The following CHRNA1 variants were observed in gnomAD, a reference collection of about 807,000 sequenced individuals.
CHRNA1 encodes cholinergic receptor nicotinic alpha 1 subunit.
Under a neutral mutation model 47.1 loss-of-function variants are expected in CHRNA1, and 35 were observed. That is an observed-to-expected ratio of 0.74 (90% CI 0.57 to 0.99). The LOEUF (loss-of-function observed/expected upper bound fraction) is 0.99. CHRNA1 is among the 50% of genes least tolerant of loss of function. The pLI is 0.00. For missense variants in CHRNA1, 506 were observed against 591.1 expected (o/e 0.86, Z 1.49); for synonymous variants, 229 against 223.6 (o/e 1.02, Z -0.22).
rs547163522 is a variant in CHRNA1 at position 174,748,494 on chromosome 2, C to T, written c.1242+86G>A. On this transcript the variant is annotated intron_variant, in intron 8 of 8. Transcript: ENST00000348749. ...TCAGTAGCTGCCTGTTGTATGCCACCTACTTGTTAAGTCAGACTCACCACC... is the reference window on the plus strand; with the variant it reads ...TCAGTAGCTGCCTGTTGTATGCCACTTACTTGTTAAGTCAGACTCACCACC... 63 of 1,536,868 alleles carry T rather than the reference C, an allele frequency of 4.1e-5. No individual in the cohort carries two copies. The African/African-American group carries it at 7.7e-4, about 19-fold the overall frequency.
At chr2:174,759,280 A>C in intron 3 of CHRNA1, 51 bp downstream of exon 3, 1 of 1,584,710 alleles carries the variant, frequency 6.3e-7, no homozygotes, top group South Asian at 1.1e-5. Context: ...GCCCAGGTTT[A>C]ATTTCAGTGT....
chr2:174,758,326 T>C (rs1012523215), intron 3 of CHRNA1, among the ~76,000 whole-genome samples: 1 of 152,056 alleles, frequency 6.6e-6, no homozygotes, highest in African/African-American at 2.4e-5. Flanking sequence ...GGAGAATCGC[T>C]TGAACCTGGG....
Position 174,753,698 on chromosome 2 carries a change from C to G in CHRNA1, c.583G>C (p.Glu195Gln). 1 of 1,614,058 alleles carries G rather than the reference C, an allele frequency of 6.2e-7. No homozygotes were observed. Among genetic ancestry groups the G allele is most frequent in the Non-Finnish European group, 8.5e-7 (1 of 1,179,994 alleles). ...CCCCGGGACTCCTTGATCACCCACTCCCCGCTCTCCATGAAGTTGCTCAGG... is the reference window on the plus strand; with the variant it reads ...CCCCGGGACTCCTTGATCACCCACTGCCCGCTCTCCATGAAGTTGCTCAGG... ...PDLSNFMESG[E>Q]WVIKESRGWK... Residue 195 changes from glutamate (E) to glutamine (Q), a missense_variant, in exon 6 of 9, where the codon GAG (glutamate) becomes CAG (glutamine). By Grantham distance (29) the Glu-to-Gln change is conservative. Coordinates refer to ENST00000348749, the MANE Select transcript of CHRNA1 (RefSeq NM_000079.4).
intron 6 of CHRNA1, among the ~76,000 whole-genome samples, chr2:174,752,147 T>C (rs906720564): frequency 6.6e-6 from 1 of 152,084 alleles, no homozygotes; most frequent in African/African-American, 2.4e-5. Flanking sequence ...GGGGATCACT[T>C]GAGGCCAGGA....
At chr2:174,752,841 C>T (rs1220383023) in intron 6 of CHRNA1, 4 of 151,634 alleles carry the variant, frequency 2.6e-5, no homozygotes, top group Non-Finnish European at 5.8e-5. Flanking sequence ...TTTTTTCAAA[C>T]TTGTCTGCCA....
intron 1 of CHRNA1, among the ~76,000 whole-genome samples, 155 bp from the exon 2 acceptor site, chr2:174,759,788 T>C (rs1370284701): frequency 6.6e-6 from 1 of 152,062 alleles, no homozygotes; most frequent in East Asian, 1.9e-4. Flanking sequence ...ATGCAGCAGT[T>C]ATTGCCTTGT....
intron 4 of CHRNA1, among the ~76,000 whole-genome samples, chr2:174,756,530 C>T (rs921441413): frequency 6.6e-5 from 10 of 152,182 alleles, no homozygotes; most frequent in African/African-American, 2.4e-4. Flanking sequence ...GTGTTCTCTC[C>T]TCACCAGGGT....
intron 4 of CHRNA1, among the ~76,000 whole-genome samples, chr2:174,756,180 TAA>T (rs1483340169): frequency 1.3e-5 from 2 of 152,174 alleles, no homozygotes; most frequent in Non-Finnish European, 2.9e-5. Context: ...TGGGAGGTTC[TAA>T]AAAAACAAAA....
chr2:174,759,610 G>T lies in CHRNA1; in HGVS notation c.67C>A (p.His23Asn). ...AGCTTTGCCACCAGACGGGTCTCAT[G>T]TTCGGAGCCCAGGACGAGGCCAGCT... Reference protein sequence around the residue: ...CSAGLVLGSEHETRLVAKLFK... With the variant: ...CSAGLVLGSENETRLVAKLFK... Residue 23 changes from histidine (H) to asparagine (N), a missense_variant, in exon 2 of 9, where the codon CAT becomes AAT. Transcript: ENST00000348749. The T allele has an allele frequency of 6.2e-7, 1 of 1,613,828 alleles. No individual in the cohort carries two copies. The highest frequency in any genetic ancestry group is 8.5e-7 in the Non-Finnish European group (1 of 1,179,978).
In CHRNA1 at chr2:174,748,577, T is replaced by C; in HGVS notation, c.1242+3A>G. The C allele has an allele frequency of 6.2e-7, 1 of 1,610,186 alleles. No individual in the cohort carries two copies. Among genetic ancestry groups the C allele is most frequent in the Non-Finnish European group, 8.5e-7 (1 of 1,176,870 alleles). ...GGCATGAATTTCAAGCCACGAAGCT[T>C]ACATTGTTAGACTCCTGGTCTGACT... On this transcript the variant is annotated splice_donor_region_variant and intron_variant, in intron 8 of 8. Coordinates refer to ENST00000348749, the MANE Select transcript of CHRNA1 (RefSeq NM_000079.4).
chr2:174,757,713 A>AG (rs1258491942), intron 3 of CHRNA1, 38 bp from the exon 4 acceptor site: 1 of 1,549,990 alleles, frequency 6.5e-7, no homozygotes, highest in Non-Finnish European at 8.9e-7. Context: ...AAAAGCCAAA[A>AG]ACACTTTCTA....
chr2:174,756,246 G>A (rs1051243023), intron 4 of CHRNA1, among the ~76,000 whole-genome samples: 3 of 152,146 alleles, frequency 2.0e-5, no homozygotes, highest in African/African-American at 7.2e-5. Context: ...CCCGTAAACA[G>A]CAGTCTGTTC....
chr2:174,751,429 T>C (rs748821132), intron 6 of CHRNA1, among the ~76,000 whole-genome samples: 41 of 152,154 alleles, frequency 2.7e-4, no homozygotes, highest in Non-Finnish European at 5.4e-4. Context: ...TTCCGGATGC[T>C]AGAATATATA....
intron 6 of CHRNA1, among the ~76,000 whole-genome samples, chr2:174,751,653 T>TTTTC (rs1431393708): frequency 9.2e-5 from 14 of 152,054 alleles, no homozygotes; most frequent in Admixed American, 5.2e-4. Flanking sequence ...TGCTTTTCTT[T>TTTTC]TTTCTTTCTT....
At chr2:174,760,914 A>G (rs6433502) in intron 1 of CHRNA1, among the ~76,000 whole-genome samples, 73,887 of 151,416 alleles carry the variant, frequency 0.49, 18,332 homozygotes, top group Non-Finnish European at 0.54. Context: ...CTCAGAACCC[A>G]CGGCCCCCTT....
chr2:174,748,825 A>G lies in CHRNA1; in HGVS notation c.1003-6T>C, dbSNP rs769975716. ...GGGATAGTGTCGATAAAAACCTAAC[A>G]TAAAAAAGAAATCCATGCATGAGAA... is the stretch of plus-strand genomic sequence containing the variant. On this transcript the variant is annotated splice_polypyrimidine_tract_variant and splice_region_variant and intron_variant, in intron 7 of 8. Coordinates refer to ENST00000348749, the MANE Select transcript of CHRNA1 (RefSeq NM_000079.4). 19 of 1,613,728 alleles carry G rather than the reference A, an allele frequency of 1.2e-5. No individual in the cohort carries two copies. Among genetic ancestry groups the G allele is most frequent in the African/African-American group, 5.3e-5 (4 of 74,814 alleles).
At chr2:174,753,359 C>A (rs554506973) in intron 6 of CHRNA1, 144 bp downstream of exon 6, 9 of 868,382 alleles carry the variant, frequency 1.0e-5, no homozygotes, top group South Asian at 6.6e-5. Context: ...ACTGCGCACG[C>A]CCACTCAGCA....
chr2:174,754,503 A>G, intron 4 of CHRNA1, 89 bp from the exon 5 acceptor site: 2 of 1,101,502 alleles, frequency 1.8e-6, no homozygotes, highest in Non-Finnish European at 2.8e-6. Flanking sequence ...ACAGCTGTTA[A>G]TTATTCAGGT....
intron 1 of CHRNA1, among the ~76,000 whole-genome samples, chr2:174,764,011 C>T (rs557214413): frequency 2.0e-5 from 3 of 152,178 alleles, no homozygotes; most frequent in East Asian, 3.9e-4. Context: ...TATGAACCCC[C>T]GGACACTACC....
Sources: allele counts gnomAD v4.1 joint callset (sites outside exome capture counted in the v4.1 genomes callset), GRCh38; gene constraint gnomAD v4.1.1; transcripts MANE v1.5; gene names NCBI Gene and HGNC (gene_info 2026-07-23, HGNC 2026-07-21).